The following TTC7B variants were observed in gnomAD, a reference collection of about 807,000 sequenced individuals.
TTC7B encodes tetratricopeptide repeat domain 7B.
In TTC7B, 28 loss-of-function variants were observed where a neutral mutation model predicts 106.8. The observed-to-expected ratio is 0.26, with a 90% CI of 0.19 to 0.36. The LOEUF (loss-of-function observed/expected upper bound fraction) is 0.36, where lower values mean the gene tolerates loss of function less well. Among genes scored for constraint, TTC7B ranks in the 10% least tolerant of loss-of-function variants. TTC7B has a pLI of 1.00. For missense variants in TTC7B, 862 were observed against 1,076.4 expected (o/e 0.80, Z 2.79); for synonymous variants, 405 against 430.6 (o/e 0.94, Z 0.74).
intron 7 of TTC7B, among the ~76,000 whole-genome samples, chr14:90,681,534 T>C (rs187708980): frequency 3.3e-5 from 5 of 152,318 alleles, no homozygotes; most frequent in Non-Finnish European, 5.9e-5. Context: ...TTTGTTTTCT[T>C]TGAAGTGCTG....
intron 17 of TTC7B, among the ~76,000 whole-genome samples, chr14:90,609,042 A>C (rs1002840841): frequency 6.6e-6 from 1 of 152,192 alleles, no homozygotes; most frequent in Non-Finnish European, 1.5e-5. Flanking sequence ...TCCGAGCCTC[A>C]CCTTGCAGTG....
chr14:90,599,788 C>T (rs1255767567), intron 17 of TTC7B, among the ~76,000 whole-genome samples: 3 of 152,210 alleles, frequency 2.0e-5, no homozygotes, highest in Non-Finnish European at 4.4e-5. Flanking sequence ...GAAATGATTC[C>T]AAATTCTCTG....
intron 15 of TTC7B, among the ~76,000 whole-genome samples, chr14:90,633,681 T>A (rs1381424792): frequency 6.6e-6 from 1 of 152,188 alleles, no homozygotes; most frequent in Non-Finnish European, 1.5e-5. Context: ...TATCACCTGT[T>A]ACCTTCTACC....
At chr14:90,590,047 A>G (rs1221157210) in intron 18 of TTC7B, among the ~76,000 whole-genome samples, 1 of 152,138 alleles carries the variant, frequency 6.6e-6, no homozygotes, top group Non-Finnish European at 1.5e-5. Flanking sequence ...AGATTTCTGG[A>G]AGATGCACAG....
intron 18 of TTC7B, among the ~76,000 whole-genome samples, chr14:90,581,620 A>G (rs2078507627): frequency 1.3e-5 from 2 of 152,060 alleles, no homozygotes; most frequent in Non-Finnish European, 2.9e-5. Context: ...CCAGTCCTGG[A>G]GATGCTGTGG....
chr14:90,722,066 G>A (rs968249855), intron 5 of TTC7B, among the ~76,000 whole-genome samples: 1 of 152,174 alleles, frequency 6.6e-6, no homozygotes, highest in Non-Finnish European at 1.5e-5. Flanking sequence ...TGAAGAGCGT[G>A]GAACAGCGAT....
At chr14:90,617,849 C>T (rs1893146672) in intron 16 of TTC7B, 80 bp downstream of exon 16, 1 of 1,130,520 alleles carries the variant, frequency 8.8e-7, no homozygotes, top group Non-Finnish European at 1.3e-6. Flanking sequence ...TTAATGCCTG[C>T]TAAATGCCAA....
At chr14:90,731,173 G>C (rs1474226397) in intron 4 of TTC7B, among the ~76,000 whole-genome samples, 3 of 151,862 alleles carry the variant, frequency 2.0e-5, no homozygotes, top group African/African-American at 7.3e-5. Flanking sequence ...GGATGGTCTC[G>C]ATCTCCTGAC....
intron 1 of TTC7B, among the ~76,000 whole-genome samples, chr14:90,801,222 CAAAAAAA>C (rs67620286): frequency 2.8e-5 from 2 of 70,940 alleles, no homozygotes; most frequent in Non-Finnish European, 2.6e-5. Context: ...AAGACCCTAT[CAAAAAAA>C]AAAAAAAAAA....
intron 17 of TTC7B, chr14:90,602,056 G>C (rs1311064532): frequency 2.2e-6 from 1 of 453,794 alleles, no homozygotes; most frequent in Non-Finnish European, 4.4e-6. Flanking sequence ...GCACATCTAG[G>C]TTGAGCTGGA....
intron 9 of TTC7B, among the ~76,000 whole-genome samples, chr14:90,665,356 C>A (rs561989711): frequency 6.6e-6 from 1 of 152,190 alleles, no homozygotes; most frequent in Non-Finnish European, 1.5e-5. Context: ...ATGTCACTTG[C>A]GAAAACGTTT....
intron 1 of TTC7B, among the ~76,000 whole-genome samples, chr14:90,809,114 C>A (rs1284371749): frequency 6.6e-6 from 1 of 152,170 alleles, no homozygotes; most frequent in Admixed American, 6.5e-5. Flanking sequence ...CTCTCTGCAC[C>A]GCCACCCTCC....
At chr14:90,739,295 C>T (rs4900059) in intron 4 of TTC7B, among the ~76,000 whole-genome samples, 14,500 of 152,196 alleles carry the variant, frequency 0.095, 1,694 homozygotes, top group African/African-American at 0.28. Flanking sequence ...AGGCCTGAAA[C>T]GGGAAGGAAA....
intron 9 of TTC7B, among the ~76,000 whole-genome samples, chr14:90,664,767 C>T (rs1886345846): frequency 6.6e-6 from 1 of 152,188 alleles, no homozygotes; most frequent in Non-Finnish European, 1.5e-5. Context: ...GCTGCCTAGG[C>T]TTAATCCAAG....
Position 90,766,308 on chromosome 14 carries a change from A to G in TTC7B, c.445+14430T>C, listed in dbSNP as rs149907283. On this transcript the variant is annotated intron_variant, in intron 3 of 19. Transcript: ENST00000328459. ...AGCAGCCTATTCAGAGGAAAAGTAT[A>G]TATCAACTGAAACTGTCCTTGAAAA... 7.9e-3 allele frequency among the ~76,000 whole-genome samples: 1,208 copies of G among 152,310 alleles called. 6 individuals are homozygous for G. The highest frequency in any genetic ancestry group is 0.022 in the South Asian group (104 of 4,830).
intron 13 of TTC7B, chr14:90,648,325 C>G (rs1263260385): frequency 6.6e-6 from 1 of 152,074 alleles, no homozygotes; most frequent in Non-Finnish European, 1.5e-5. Flanking sequence ...GCCTGTGTTA[C>G]CCTTTTACAT....
Position 90,533,513 on chromosome 14 carries a change from CG to C in TTC7B, c.*7854del. 1 of 152,548 alleles carries C rather than the reference CG, an allele frequency of 6.6e-6. No homozygotes were observed. Among genetic ancestry groups the C allele is most frequent in the Non-Finnish European group, 1.5e-5 (1 of 68,224 alleles). The allele number at this position is 152,548 out of a possible 1,614,324, so 9.4% of individuals were successfully genotyped here. ...GAAGGAAAGACTTTATGGTGCACCCCGGGGGCCCCATGCCCTGTCCAGGTTG... is the reference window on the plus strand; with the variant it reads ...GAAGGAAAGACTTTATGGTGCACCCCGGGGCCCCATGCCCTGTCCAGGTTG... On this transcript the variant is annotated 3_prime_UTR_variant, in exon 20 of 20. Coordinates refer to ENST00000328459, the MANE Select transcript of TTC7B (RefSeq NM_001010854.2).
In TTC7B at chr14:90,809,639, C is replaced by T. The variant is rs941211320; in HGVS notation, c.121+6536G>A. Among the ~76,000 whole-genome samples, 12 of 152,390 alleles carry T rather than the reference C, an allele frequency of 7.9e-5. 1 individual carries two copies. The South Asian group carries it at 8.3e-4, about 11-fold the overall frequency. On this transcript the variant is annotated intron_variant, in intron 1 of 19. Transcript: ENST00000328459. ...CGTAATATTGATGTAACTTGGCCCTCGCTTCCATTTTGGAAAACCCTCGGC... is the reference window on the plus strand; with the variant it reads ...CGTAATATTGATGTAACTTGGCCCTTGCTTCCATTTTGGAAAACCCTCGGC...
chr14:90,586,910 C>T (rs1207299961), intron 18 of TTC7B, among the ~76,000 whole-genome samples: 2 of 152,138 alleles, frequency 1.3e-5, no homozygotes, highest in Admixed American at 6.5e-5. Flanking sequence ...AGACTCAAGC[C>T]CCACACTCAG....
Sources: allele counts gnomAD v4.1 joint callset (sites outside exome capture counted in the v4.1 genomes callset), GRCh38; gene constraint gnomAD v4.1.1; transcripts MANE v1.5; gene names NCBI Gene and HGNC (gene_info 2026-07-23, HGNC 2026-07-21).